The following PCDH15 variants were observed in gnomAD, a reference collection of about 807,000 sequenced individuals.
PCDH15 encodes protocadherin-15.
Under a neutral mutation model 178.5 loss-of-function variants are expected in PCDH15, and 129 were observed. The ratio of observed to expected loss-of-function variants is 0.72; its 90% CI spans 0.63 to 0.84. The LOEUF (loss-of-function observed/expected upper bound fraction) is 0.84. Among genes scored for constraint, PCDH15 ranks in the 40% least tolerant of loss-of-function variants. The pLI is 0.00. For missense variants in PCDH15, 2,230 were observed against 2,099.9 expected (o/e 1.06, Z -1.21); for synonymous variants, 800 against 732.0 (o/e 1.09, Z -1.50).
At chr10:55,455,692 G>A (rs1415521264) in intron 2 of PCDH15, among the ~76,000 whole-genome samples, 1 of 151,918 alleles carries the variant, frequency 6.6e-6, no homozygotes, top group Non-Finnish European at 1.5e-5. Context: ...ATACAAATTA[G>A]TATAGCTCTT....
chr10:53,877,915 C>T (rs1311690479), intron 26 of PCDH15, among the ~76,000 whole-genome samples: 3 of 151,932 alleles, frequency 2.0e-5, no homozygotes, highest in East Asian at 1.9e-4. Context: ...TTAACTCTAG[C>T]GATAGCTTAA....
intron 25 of PCDH15, among the ~76,000 whole-genome samples, chr10:53,921,987 T>TA (rs1195547346): frequency 6.6e-6 from 1 of 152,212 alleles, no homozygotes; most frequent in Admixed American, 6.5e-5. Flanking sequence ...AATCAAGTAT[T>TA]AAATTTTAGT....
At chr10:55,370,847 C>A (rs2131989253) in intron 2 of PCDH15, among the ~76,000 whole-genome samples, 1 of 152,194 alleles carries the variant, frequency 6.6e-6, no homozygotes, top group Non-Finnish European at 1.5e-5. Flanking sequence ...AGTAGCATAG[C>A]TATTACTTCT....
At chr10:54,298,583 CA>C (rs1564901008) in intron 8 of PCDH15, among the ~76,000 whole-genome samples, 1 of 152,216 alleles carries the variant, frequency 6.6e-6, no homozygotes. Context: ...TGTGCAGAGG[CA>C]ATCACTGGAA....
Position 55,359,202 on chromosome 10 carries a change from A to G in PCDH15, c.-155-192551T>C, listed in dbSNP as rs191139266. On this transcript the variant is annotated intron_variant, in intron 2 of 5. Transcript: ENST00000613346. ...ACAGAGTGAGACTGTGTTTCAAAAA[A>G]AAAAGTAAAATAAATTAGTTTTTTT... Among the ~76,000 whole-genome samples, 9 of 152,084 alleles carry G rather than the reference A, an allele frequency of 5.9e-5. 1 individual carries two copies. In the East Asian group the frequency reaches 1.7e-3, roughly 29 times the overall value.
intron 6 of PCDH15, among the ~76,000 whole-genome samples, chr10:54,338,373 T>C (rs1486078269): frequency 6.6e-6 from 1 of 152,234 alleles, no homozygotes; most frequent in African/African-American, 2.4e-5. Flanking sequence ...CTGTTTTAGC[T>C]TAACCTTAAA....
At chr10:54,605,004 T>G (rs1017363105) in intron 2 of PCDH15, among the ~76,000 whole-genome samples, 1 of 151,912 alleles carries the variant, frequency 6.6e-6, no homozygotes, top group African/African-American at 2.4e-5. Context: ...AATCTAAAAC[T>G]GATAACTTCT....
At chr10:54,915,911 C>T (rs1468136374) in intron 2 of PCDH15, among the ~76,000 whole-genome samples, 2 of 152,136 alleles carry the variant, frequency 1.3e-5, no homozygotes, top group Non-Finnish European at 2.9e-5. Context: ...TCACTGCAAC[C>T]TCCACCTCCT....
chr10:55,454,192 C>A (rs2132084483), intron 2 of PCDH15, among the ~76,000 whole-genome samples: 1 of 152,120 alleles, frequency 6.6e-6, no homozygotes, highest in African/African-American at 2.4e-5. Flanking sequence ...CTAAAAGCTT[C>A]ATTTATGATA....
At chr10:55,450,479 A>G (rs2132080117) in intron 2 of PCDH15, among the ~76,000 whole-genome samples, 1 of 152,270 alleles carries the variant, frequency 6.6e-6, no homozygotes, top group African/African-American at 2.4e-5. Context: ...ATAGCCTAAT[A>G]CCAGTGTAGT....
At chr10:55,341,849 A>C (rs1844608499) in intron 2 of PCDH15, among the ~76,000 whole-genome samples, 1 of 116,600 alleles carries the variant, frequency 8.6e-6, no homozygotes. Flanking sequence ...ATGGGGTTTC[A>C]CCATGTTGCC....
chr10:54,354,357 G>A (rs967813802), intron 5 of PCDH15, among the ~76,000 whole-genome samples: 23 of 152,256 alleles, frequency 1.5e-4, no homozygotes, highest in African/African-American at 4.8e-4. Context: ...TGATTCCCAC[G>A]TACATGCTTA....
chr10:54,985,393 G>C (rs1022953872), intron 2 of PCDH15, among the ~76,000 whole-genome samples: 4 of 152,088 alleles, frequency 2.6e-5, no homozygotes, highest in African/African-American at 9.7e-5. Context: ...ATGTAGTATA[G>C]ATGCTCCTTG....
At chr10:54,431,558 T>A (rs1451015380) in intron 3 of PCDH15, among the ~76,000 whole-genome samples, 1 of 152,164 alleles carries the variant, frequency 6.6e-6, no homozygotes, top group Non-Finnish European at 1.5e-5. Context: ...TTCAACAACC[T>A]TTCATGATAA....
intron 1 of PCDH15, among the ~76,000 whole-genome samples, chr10:54,708,810 G>A (rs968574712): frequency 2.0e-5 from 3 of 151,726 alleles, no homozygotes; most frequent in African/African-American, 4.8e-5. Flanking sequence ...GTGCGCGCGC[G>A]TGCGTGTGGT....
rs548042069 is a variant in PCDH15, at chr10:54,923,775, C to T, written c.-79-26275G>A. On this transcript the variant is annotated intron_variant, in intron 2 of 5. Transcript: ENST00000458638. ...GAGGCCTCAGTCTGGACTTTACTGT[C>T]CACATAACTATCAGTATTTTGTGTG... Among the ~76,000 whole-genome samples the T allele has an allele frequency of 3.6e-5, 5 of 138,200 alleles. 1 individual carries two copies. The South Asian group carries it at 1.1e-3, about 31-fold the overall frequency. The allele number at this position is 138,200 out of a possible 152,430, so 90.7% of individuals were successfully genotyped here.
At chr10:53,887,962 C>T (rs2610860) in intron 26 of PCDH15, among the ~76,000 whole-genome samples, 117,022 of 151,940 alleles carry the variant, frequency 0.77, 45,791 homozygotes, top group East Asian at 1. Flanking sequence ...TAAAAGAATA[C>T]AGGATCTTCA....
chr10:54,752,791 T>G (rs1423309731), intron 1 of PCDH15, among the ~76,000 whole-genome samples: 11 of 112,402 alleles, frequency 9.8e-5, no homozygotes, highest in Non-Finnish European at 4.2e-5. Flanking sequence ...ACTCAAACTC[T>G]TCCACCTTTC....
chr10:54,670,055 T>C (rs2135491646), intron 1 of PCDH15, among the ~76,000 whole-genome samples: 1 of 152,122 alleles, frequency 6.6e-6, no homozygotes, highest in South Asian at 2.1e-4. Context: ...CAGATTCCAT[T>C]TCAAATAAAA....
Sources: allele counts gnomAD v4.1 joint callset (sites outside exome capture counted in the v4.1 genomes callset), GRCh38; gene constraint gnomAD v4.1.1; transcripts MANE v1.5; gene names NCBI Gene and HGNC (gene_info 2026-07-23, HGNC 2026-07-21).